DHX15: variants seen among roughly 807,000 people sequenced by gnomAD.
The protein encoded by DHX15 is DEAH-box helicase 15, also known as ATP-dependent RNA helicase DHX15.
A neutral mutation model predicts 94.4 loss-of-function variants in DHX15; 11 were observed. The ratio of observed to expected loss-of-function variants is 0.12; its 90% CI spans 0.07 to 0.19. The LOEUF (loss-of-function observed/expected upper bound fraction) is 0.19. Ranked by LOEUF, DHX15 falls within the 10% of genes least tolerant of loss-of-function variation. DHX15 has a pLI of 1.00. For missense variants in DHX15, 304 were observed against 988.5 expected (o/e 0.31, Z 9.29); for synonymous variants, 338 against 329.9 (o/e 1.02, Z -0.27).
intron 12 of DHX15, chr4:24,530,511 A>AG (rs1055610656): frequency 2.0e-5 from 3 of 152,332 alleles, no homozygotes; most frequent in Admixed American, 6.5e-5. Context: ...CAGGAGGCGG[A>AG]GGTTGCAGTG....
At chr4:24,553,203 C>T (rs894826273) in intron 5 of DHX15, among the ~76,000 whole-genome samples, 3 of 152,252 alleles carry the variant, frequency 2.0e-5, no homozygotes, top group East Asian at 3.9e-4. Context: ...TGCCTGTAAT[C>T]CCAGCTACTC....
At chr4:24,547,903 G>GTATATATATATATATA (rs869194543) in intron 6 of DHX15, among the ~76,000 whole-genome samples, 5 of 70,752 alleles carry the variant, frequency 7.1e-5, no homozygotes, top group African/African-American at 3.0e-4. Context: ...GTATGTATGT[G>GTATATATATATATATA]TATATATATA....
At chr4:24,546,287 T>A (rs1188101868) in intron 6 of DHX15, among the ~76,000 whole-genome samples, 1 of 152,214 alleles carries the variant, frequency 6.6e-6, no homozygotes, top group Non-Finnish European at 1.5e-5. Context: ...CATTTCTCTT[T>A]TTCACTGAGC....
At chr4:24,536,949 T>C in intron 11 of DHX15, 102 bp downstream of exon 11, 1 of 1,334,516 alleles carries the variant, frequency 7.5e-7, no homozygotes, top group Non-Finnish European at 9.9e-7. Flanking sequence ...GGGTTTCTAA[T>C]ATAAGTTGTC....
chr4:24,578,617 A>C (rs1722335010), intron 1 of DHX15, among the ~76,000 whole-genome samples: 1 of 152,166 alleles, frequency 6.6e-6, no homozygotes, highest in East Asian at 1.9e-4. Flanking sequence ...GTTGGAGTGC[A>C]GTGGCTCACT....
Position 24,576,763 on chromosome 4 carries a change from C to T in DHX15, c.72-85G>A, listed in dbSNP as rs185130626. ...TTATAATCACAAAGAGAGTAAATGT[C>T]CAACGTTCAAATGAATAAAAAGTCC... On this transcript the variant is annotated intron_variant, in intron 1 of 13. Transcript: ENST00000336812. 3.7e-4 allele frequency: 566 copies of T among 1,518,030 alleles called. 4 individuals are homozygous for T. The African/African-American group carries it at 6.8e-3, about 18-fold the overall frequency. 94.0% of individuals were successfully genotyped at this position (1,518,030 alleles called of 1,614,324 possible).
intron 10 of DHX15, chr4:24,539,598 C>T (rs559508143): frequency 6.6e-6 from 1 of 152,034 alleles, no homozygotes; most frequent in East Asian, 1.9e-4. Context: ...GATTTTAAGC[C>T]TAAAATTATA....
chr4:24,581,326 C>G (rs915571747), intron 1 of DHX15, among the ~76,000 whole-genome samples: 1 of 152,142 alleles, frequency 6.6e-6, no homozygotes, highest in Non-Finnish European at 1.5e-5. Flanking sequence ...TTGCGCCCGG[C>G]CTATGGCAGC....
intron 3 of DHX15, among the ~76,000 whole-genome samples, chr4:24,559,375 T>TAAAAAAAAA (rs535455690): frequency 4.9e-4 from 46 of 93,300 alleles, no homozygotes; most frequent in Middle Eastern, 6.2e-3. Flanking sequence ...TTTAAGCCAC[T>TAAAAAAAAA]AAAAAAAAAA....
chr4:24,548,206 G>A (rs889522953), intron 6 of DHX15, among the ~76,000 whole-genome samples: 18 of 147,196 alleles, frequency 1.2e-4, no homozygotes, highest in Non-Finnish European at 2.4e-4. Context: ...GCAGTGTTGC[G>A]GTCTCAGCTC....
At chr4:24,548,217 A>G (rs1721499212) in intron 6 of DHX15, among the ~76,000 whole-genome samples, 1 of 139,402 alleles carries the variant, frequency 7.2e-6, no homozygotes. Flanking sequence ...GTCTCAGCTC[A>G]CTGCAACCTC....
chr4:24,573,044 G>T (rs995613248), intron 2 of DHX15, among the ~76,000 whole-genome samples: 4 of 152,158 alleles, frequency 2.6e-5, no homozygotes. Context: ...CCAAGTAGCT[G>T]GGATTACAGG....
intron 3 of DHX15, 104 bp downstream of exon 3, chr4:24,570,550 T>A (rs1189472371): frequency 3.7e-5 from 36 of 982,694 alleles, no homozygotes; most frequent in Admixed American, 2.3e-5. Flanking sequence ...CTTTGGATAA[T>A]TCTAAATTTG....
intron 7 of DHX15, 99 bp from the exon 8 acceptor site, chr4:24,542,121 T>G (rs190571727): frequency 6.2e-5 from 63 of 1,019,116 alleles, no homozygotes; most frequent in African/African-American, 5.1e-4. Context: ...CCAAAATAAA[T>G]AAAGAAATAT....
At chr4:24,533,109 AATGTTCTCTAATT>A (rs1472022898) in intron 11 of DHX15, 55 bp from the exon 12 acceptor site, 1 of 1,393,208 alleles carries the variant, frequency 7.2e-7, no homozygotes, top group East Asian at 2.3e-5. Context: ...CCCACACAGG[AATGTTCTCTAATT>A]AAAAAAATTG....
At chr4:24,533,476 C>T (rs1296128782) in intron 11 of DHX15, 5 of 188,574 alleles carry the variant, frequency 2.7e-5, no homozygotes, top group Non-Finnish European at 3.4e-5. Flanking sequence ...GTTCTTTATG[C>T]CTGACACAGA....
rs947108891 is a variant in DHX15 at position 24,576,762 on chromosome 4, T to C, written c.72-84A>G. The C allele has an allele frequency of 3.3e-6, 5 of 1,520,624 alleles. No individual in the cohort carries two copies. In the African/African-American group the frequency reaches 6.9e-5, roughly 21 times the overall value. The allele number at this position is 1,520,624 out of a possible 1,614,324, so 94.2% of individuals were successfully genotyped here. ...GTTATAATCACAAAGAGAGTAAATG[T>C]CCAACGTTCAAATGAATAAAAAGTC... On this transcript the variant is annotated intron_variant, in intron 1 of 13. Coordinates refer to ENST00000336812, the MANE Select transcript of DHX15 (RefSeq NM_001358.3).
intron 1 of DHX15, 184 bp downstream of exon 1, chr4:24,584,139 C>T (rs1722548731): frequency 3.2e-6 from 2 of 619,502 alleles, no homozygotes; most frequent in South Asian, 4.1e-5. Context: ...CGCACGCAAC[C>T]CCCCGCGCCC....
intron 3 of DHX15, among the ~76,000 whole-genome samples, chr4:24,559,750 C>T (rs1721822316): frequency 6.6e-6 from 1 of 152,128 alleles, no homozygotes. Context: ...AATTTATTAG[C>T]ATCACCTTGG....
Sources: gnomAD v4.1 joint callset for allele counts (sites outside exome capture counted in the v4.1 genomes callset) on GRCh38, gnomAD v4.1.1 for gene constraint, MANE v1.5 for transcripts, NCBI Gene and HGNC (gene_info 2026-07-23, HGNC 2026-07-21) for gene names.